Variants in LCA5L observed in about 807,000 individuals in gnomAD.
LCA5L encodes lebercilin-like protein.
Under a neutral mutation model 45.4 loss-of-function variants are expected in LCA5L, and 35 were observed. That is an observed-to-expected ratio of 0.77 (90% CI 0.59 to 1.02). The LOEUF is 1.02. Among genes scored for constraint, LCA5L ranks in the 50% least tolerant of loss-of-function variants. The pLI is 0.00. For missense variants in LCA5L, 668 were observed against 761.6 expected (o/e 0.88, Z 1.45); for synonymous variants, 233 against 264.7 (o/e 0.88, Z 1.16).
At chr21:39,426,240 G>T (rs543372389) in intron 5 of LCA5L, among the ~76,000 whole-genome samples, 1 of 152,196 alleles carries the variant, frequency 6.6e-6, no homozygotes, top group Non-Finnish European at 1.5e-5. Context: ...CATTTGAGGG[G>T]TATGTAACAA....
In LCA5L at chr21:39,405,905, C is replaced by T. The variant is rs1230858696; in HGVS notation, c.1990G>A (p.Gly664Arg). The change falls in exon 11 of 11, where the codon GGA (glycine) becomes AGA (arginine). Residue 664 changes from glycine to arginine, a missense_variant. Gly to Arg is a moderately radical substitution (Grantham distance 125). Transcript: ENST00000288350. ...ATTTAAATAATTATTTTTCTTTTTC[C>T]TTCTGTAGGTGACGATGGCTTAATA... ...NSIKPSSPTE[G>R]KRKIII is the part of the protein sequence containing the mutation. The T allele has an allele frequency of 6.3e-7, 1 of 1,587,182 alleles. No homozygotes were observed. The highest frequency in any genetic ancestry group is 8.6e-7 in the Non-Finnish European group (1 of 1,163,832).
Position 39,409,062 on chromosome 21 carries a change from G to C in LCA5L, c.1282+917C>G, listed in dbSNP as rs779037468. ...CCAGTATGGCTATATTTGGAGACTG[G>C]GTCTTTAAGGAAGTAATTAAGGTTA... On this transcript the variant is annotated intron_variant, in intron 10 of 10. Transcript: ENST00000288350. This position sits in a 1 kb window ranked among gnomAD's most constrained non-coding sequence, Gnocchi z 4.2. 9.2e-5 allele frequency among the ~76,000 whole-genome samples: 14 copies of C among 152,070 alleles called. No individual in the cohort carries two copies. Among genetic ancestry groups the C allele is most frequent in the Non-Finnish European group, 1.9e-4 (13 of 68,004 alleles).
intron 7 of LCA5L, among the ~76,000 whole-genome samples, chr21:39,415,025 T>C (rs983507239): frequency 9.9e-5 from 15 of 152,006 alleles, no homozygotes; most frequent in Non-Finnish European, 2.1e-4. Flanking sequence ...CCTCAGCCTC[T>C]GGAGTAGCTG....
chr21:39,433,927 CTTTTT>C (rs10574659), intron 3 of LCA5L, among the ~76,000 whole-genome samples: 142 of 95,832 alleles, frequency 1.5e-3, no homozygotes, highest in African/African-American at 5.5e-3. Context: ...CCACATCCAG[CTTTTT>C]TTTTTTTTTT....
At chr21:39,445,272 G>A (rs1048172302) in intron 1 of LCA5L, among the ~76,000 whole-genome samples, 1 of 152,090 alleles carries the variant, frequency 6.6e-6, no homozygotes, top group African/African-American at 2.4e-5. Flanking sequence ...AGATGCCAGC[G>A]CTAAGGTTAG....
chr21:39,412,186 A>AT (rs1367886096), intron 7 of LCA5L, among the ~76,000 whole-genome samples: 2 of 152,150 alleles, frequency 1.3e-5, no homozygotes, highest in Non-Finnish European at 2.9e-5. Flanking sequence ...CAGCCACACT[A>AT]TTTGTATTTC....
At chr21:39,406,642 T>C in intron 10 of LCA5L, 30 bp from the exon 11 acceptor site, 5 of 1,497,078 alleles carry the variant, frequency 3.3e-6, no homozygotes, top group Non-Finnish European at 4.5e-6. Flanking sequence ...AATTTAGTGC[T>C]GTTTAAAATG....
chr21:39,418,665 A>G (rs1480015846), intron 7 of LCA5L, among the ~76,000 whole-genome samples: 1 of 151,812 alleles, frequency 6.6e-6, no homozygotes, highest in Non-Finnish European at 1.5e-5. Context: ...ATGCCAAGCT[A>G]ATTTTTGTAT....
Position 39,420,858 on chromosome 21 carries a change from TA to T in LCA5L, c.838-16del, listed in dbSNP as rs750056844. 1.3e-6 allele frequency: 2 copies of T among 1,581,702 alleles called. No individual in the cohort carries two copies. Among genetic ancestry groups the T allele is most frequent in the East Asian group, 4.5e-5 (2 of 44,230 alleles). On this transcript the variant is annotated splice_polypyrimidine_tract_variant and intron_variant, in intron 6 of 10. Transcript: ENST00000288350. ...TTTTCCAAGCTCTGAAAACAGTATA[TA>T]TTATAACTATTCTGCAACCAAGTTA...
chr21:39,409,592 GT>G lies in LCA5L; in HGVS notation c.1282+386del, dbSNP rs200624315. Among the ~76,000 whole-genome samples, 11 of 150,228 alleles carry G rather than the reference GT, an allele frequency of 7.3e-5. No individual in the cohort carries two copies. The highest frequency in any genetic ancestry group is 2.0e-4 in the East Asian group (1 of 5,110). Reference sequence around the variant, plus strand: ...ATTATAATTCTGGAAACGGTTTTATGTTTTTTTTTTAATTTTTTGAGACAGA... The same window carrying G: ...ATTATAATTCTGGAAACGGTTTTATGTTTTTTTTTAATTTTTTGAGACAGA... On this transcript the variant is annotated intron_variant, in intron 10 of 10. Coordinates refer to ENST00000288350, the MANE Select transcript of LCA5L (RefSeq NM_152505.4). The surrounding 1 kb of genome is among the most constrained non-coding windows in gnomAD (Gnocchi z 4.2).
intron 2 of LCA5L, among the ~76,000 whole-genome samples, chr21:39,440,899 G>A (rs553045995): frequency 3.8e-4 from 58 of 152,164 alleles, no homozygotes; most frequent in African/African-American, 1.4e-3. Context: ...TATAAATGTG[G>A]TATTATATAG....
chr21:39,415,353 T>A (rs912832953), intron 7 of LCA5L, among the ~76,000 whole-genome samples: 3 of 152,146 alleles, frequency 2.0e-5, no homozygotes, highest in African/African-American at 4.8e-5. Flanking sequence ...CCTTTGAAAC[T>A]TTATTATACA....
chr21:39,410,364 G>T lies in LCA5L; in HGVS notation c.1064C>A (p.Ser355Tyr). The T allele has an allele frequency of 6.5e-7, 1 of 1,549,170 alleles. No homozygotes were observed. Among genetic ancestry groups the T allele is most frequent in the Non-Finnish European group, 8.9e-7 (1 of 1,128,158 alleles). Residue 355 changes from serine (S) to tyrosine (Y), a missense_variant, in exon 9 of 11, where the codon TCT becomes TAT. Transcript: ENST00000288350. ...GTCTGCTTGGACTGATTTTGTTGAA[G>T]AAACTATGGAACAGGTAGATTATAT... ...LHDTEDYPKV[S>Y]STKSVQADRK... is the part of the protein sequence containing the mutation.
Position 39,423,324 on chromosome 21 carries a change from A to G in LCA5L, c.489T>C (p.His163=), listed in dbSNP as rs1601839126. Residue 163 remains histidine (H), a synonymous_variant, in exon 6 of 11, where the codon CAT becomes CAC. Transcript: ENST00000288350. ...GLKNELADMH[H]KLEAILTENQ... ...TTTCTGTAAGGATGGCTTCCAATTT[A>G]TGATGCATATCAGCTAATTCATTTT... The G allele has an allele frequency of 6.2e-7, 1 of 1,611,806 alleles. No individual in the cohort carries two copies. The highest frequency in any genetic ancestry group is 2.2e-5 in the East Asian group (1 of 44,860).
chr21:39,443,513 TGGGAGCTGAAGAATGAG>T (rs1163917279), intron 2 of LCA5L: 1 of 152,226 alleles, frequency 6.6e-6, no homozygotes, highest in East Asian at 1.9e-4. Context: ...CTTGCAGTTT[TGGGAGCTGAAGAATGAG>T]GGGATTCCCA....
chr21:39,440,108 C>G (rs2076680399), intron 2 of LCA5L, among the ~76,000 whole-genome samples: 1 of 151,876 alleles, frequency 6.6e-6, no homozygotes, highest in South Asian at 2.1e-4. Flanking sequence ...TGTATTTTTC[C>G]CCTAACTCTG....
At chr21:39,420,018 ATT>A (rs1032199976) in intron 7 of LCA5L, among the ~76,000 whole-genome samples, 1 of 151,346 alleles carries the variant, frequency 6.6e-6, no homozygotes, top group Non-Finnish European at 1.5e-5. Context: ...TTAAACGTTA[ATT>A]TTGAGTTACA....
rs774569216 is a variant in LCA5L, at chr21:39,409,941, G to T, written c.1282+38C>A. ...ACATATAGTAATTCACAATTTTAAA[G>T]AAATCAGATAAGATAGACTTTAAAG... On this transcript the variant is annotated intron_variant, in intron 10 of 10. Coordinates refer to ENST00000288350, the MANE Select transcript of LCA5L (RefSeq NM_152505.4). This position sits in a 1 kb window ranked among gnomAD's most constrained non-coding sequence, Gnocchi z 4.2. The T allele has an allele frequency of 8.4e-7, 1 of 1,188,320 alleles. No homozygotes were observed. Among genetic ancestry groups the T allele is most frequent in the South Asian group, 1.3e-5 (1 of 77,050 alleles). 73.6% of individuals were successfully genotyped at this position (1,188,320 alleles called of 1,614,324 possible).
rs557981489 is a variant in LCA5L at position 39,424,204 on chromosome 21, A to G, written c.323-714T>C. ...ATTTTTGTATTTTTAGTAGAGACGGAGTTTCACCATGTTGGCCAGGCTGGT... is the reference window on the plus strand; with the variant it reads ...ATTTTTGTATTTTTAGTAGAGACGGGGTTTCACCATGTTGGCCAGGCTGGT... On this transcript the variant is annotated intron_variant, in intron 5 of 10. Transcript: ENST00000288350. Among the ~76,000 whole-genome samples, 297 of 152,012 alleles carry G rather than the reference A, an allele frequency of 2.0e-3. 1 individual carries two copies. The highest frequency in any genetic ancestry group is 3.9e-3 in the Admixed American group (59 of 15,270).
Sources: allele counts gnomAD v4.1 joint callset (sites outside exome capture counted in the v4.1 genomes callset), GRCh38; gene constraint gnomAD v4.1.1; non-coding constraint Gnocchi (gnomAD v3.1); transcripts MANE v1.5; gene names NCBI Gene and HGNC (gene_info 2026-07-23, HGNC 2026-07-21).